The following UNC5D variants were observed in gnomAD, a reference collection of about 807,000 sequenced individuals.
UNC5D encodes netrin receptor UNC5D.
Under a neutral mutation model 105.4 loss-of-function variants are expected in UNC5D, and 39 were observed. The observed-to-expected ratio is 0.37, with a 90% CI of 0.29 to 0.48. The LOEUF is 0.48. Among genes scored for constraint, UNC5D ranks in the 20% least tolerant of loss-of-function variants. The pLI is 0.98. For missense variants in UNC5D, 991 were observed against 1,202.4 expected, an observed-to-expected ratio of 0.82 and a Z score of 2.60; for synonymous variants, 452 against 450.4, an observed-to-expected ratio of 1.00 and a Z score of -0.04.
At chr8:35,437,208 C>T (rs1042633804) in intron 1 of UNC5D, among the ~76,000 whole-genome samples, 10 of 151,908 alleles carry the variant, frequency 6.6e-5, no homozygotes, top group African/African-American at 2.4e-4. Context: ...ATTTATCATG[C>T]TCATTATAAA....
intron 8 of UNC5D, among the ~76,000 whole-genome samples, chr8:35,718,216 A>G (rs1828364427): frequency 6.6e-6 from 1 of 152,170 alleles, no homozygotes; most frequent in Admixed American, 6.5e-5. Context: ...AGGGATGAAG[A>G]AAACAGGAAA....
chr8:35,385,736 A>T (rs576330826), intron 1 of UNC5D, among the ~76,000 whole-genome samples: 1 of 152,232 alleles, frequency 6.6e-6, no homozygotes, highest in East Asian at 1.9e-4. Flanking sequence ...CAGTGCTGGG[A>T]TTACAGGCGT....
At chr8:35,330,321 T>C (rs1304723666) in intron 1 of UNC5D, among the ~76,000 whole-genome samples, 1 of 152,228 alleles carries the variant, frequency 6.6e-6, no homozygotes, top group African/African-American at 2.4e-5. Context: ...TTGGCTTACA[T>C]TTATGCCTCT....
intron 1 of UNC5D, among the ~76,000 whole-genome samples, chr8:35,415,898 G>C (rs1223964208): frequency 1.3e-5 from 2 of 152,108 alleles, no homozygotes; most frequent in African/African-American, 2.4e-5. Flanking sequence ...GCTTGTATCT[G>C]AAAGACCTGA....
At chr8:35,438,102 A>G (rs752220961) in intron 1 of UNC5D, among the ~76,000 whole-genome samples, 7 of 151,948 alleles carry the variant, frequency 4.6e-5, no homozygotes, top group African/African-American at 7.2e-5. Context: ...AGGCAAAACA[A>G]ACAAACAAAC....
chr8:35,519,101 T>A (rs1339842243), intron 1 of UNC5D, among the ~76,000 whole-genome samples: 1 of 152,176 alleles, frequency 6.6e-6, no homozygotes, highest in Non-Finnish European at 1.5e-5. Flanking sequence ...AGTACTTTTT[T>A]TTCCTTTAGC....
At chr8:35,626,436 A>G (rs543993722) in intron 4 of UNC5D, among the ~76,000 whole-genome samples, 6 of 152,300 alleles carry the variant, frequency 3.9e-5, no homozygotes, top group South Asian at 4.1e-4. Context: ...CTGATTAGCT[A>G]TATGCATATA....
chr8:35,360,241 T>TGTTG (rs1801787578), intron 1 of UNC5D, among the ~76,000 whole-genome samples: 1 of 152,116 alleles, frequency 6.6e-6, no homozygotes, highest in South Asian at 2.1e-4. Context: ...CCAACATCAG[T>TGTTG]GTTGTCTCTG....
chr8:35,314,927 A>G (rs1471370964), intron 1 of UNC5D, among the ~76,000 whole-genome samples: 1 of 152,160 alleles, frequency 6.6e-6, no homozygotes, highest in Non-Finnish European at 1.5e-5. Flanking sequence ...CTGTAAGGAA[A>G]TGATCCACAA....
chr8:35,604,500 G>A (rs1411363453), intron 4 of UNC5D, among the ~76,000 whole-genome samples: 1 of 152,030 alleles, frequency 6.6e-6, no homozygotes, highest in Non-Finnish European at 1.5e-5. Flanking sequence ...TTCAACTTTG[G>A]TGAATCTGAC....
At chr8:35,641,244 C>A (rs1390924189) in intron 4 of UNC5D, among the ~76,000 whole-genome samples, 1 of 151,234 alleles carries the variant, frequency 6.6e-6, no homozygotes, top group Admixed American at 6.6e-5. Flanking sequence ...AAGGCAAAGT[C>A]TACTAAACAC....
chr8:35,655,411 T>C (rs1009406377), intron 4 of UNC5D, among the ~76,000 whole-genome samples: 12 of 152,338 alleles, frequency 7.9e-5, no homozygotes, highest in African/African-American at 2.9e-4. Flanking sequence ...TAAGGAGTCA[T>C]ACTTAGAGAT....
At chr8:35,304,704 T>C (rs530152294) in intron 1 of UNC5D, among the ~76,000 whole-genome samples, 14 of 152,268 alleles carry the variant, frequency 9.2e-5, no homozygotes, top group African/African-American at 2.9e-4. Context: ...TCTTTCGTTT[T>C]CTATATGAAA....
chr8:35,596,365 CT>C (rs1408903343), intron 4 of UNC5D, among the ~76,000 whole-genome samples: 1 of 152,102 alleles, frequency 6.6e-6, no homozygotes. Flanking sequence ...AAGATGACCC[CT>C]GATAGACTAG....
intron 1 of UNC5D, among the ~76,000 whole-genome samples, chr8:35,301,827 C>G (rs1447208614): frequency 6.6e-6 from 1 of 151,766 alleles, no homozygotes; most frequent in South Asian, 2.1e-4. Context: ...TTTGTTTTCA[C>G]GGAATTTGAT....
chr8:35,766,548 A>C (rs1398329167), intron 14 of UNC5D, among the ~76,000 whole-genome samples: 1 of 152,298 alleles, frequency 6.6e-6, no homozygotes, highest in South Asian at 2.1e-4. Flanking sequence ...GGCCCACAGG[A>C]GTCTTCCAAA....
intron 4 of UNC5D, among the ~76,000 whole-genome samples, chr8:35,637,607 G>A (rs746916082): frequency 2.0e-4 from 31 of 152,072 alleles, no homozygotes; most frequent in Non-Finnish European, 4.1e-4. Context: ...ATAGTAAATT[G>A]GTGAAATGAA....
At chr8:35,417,331 G>A (rs988536198) in intron 1 of UNC5D, among the ~76,000 whole-genome samples, 10 of 152,060 alleles carry the variant, frequency 6.6e-5, no homozygotes, top group Admixed American at 2.0e-4. Flanking sequence ...TGGATGTGGG[G>A]TCTGCAATGA....
chr8:35,430,298 A>G (rs1806537435), intron 1 of UNC5D, among the ~76,000 whole-genome samples: 1 of 122,950 alleles, frequency 8.1e-6, no homozygotes, highest in African/African-American at 3.0e-5. Context: ...ATAGCCGAAC[A>G]TCTGGATGTT....
Sources: gnomAD v4.1 joint callset for allele counts (sites outside exome capture counted in the v4.1 genomes callset) on GRCh38, gnomAD v4.1.1 for gene constraint, MANE v1.5 for transcripts, NCBI Gene and HGNC (gene_info 2026-07-23, HGNC 2026-07-21) for gene names.